The following DDX60 variants were observed in gnomAD, a reference collection of about 807,000 sequenced individuals.
The protein encoded by DDX60 is DExD/H-box helicase 60.
DDX60 carries 165 observed loss-of-function variants against 212.8 expected under a neutral mutation model. The observed-to-expected ratio is 0.78, with a 90% CI of 0.68 to 0.88. The LOEUF (loss-of-function observed/expected upper bound fraction) is 0.88, where lower values mean the gene tolerates loss of function less well. Among genes scored for constraint, DDX60 ranks in the 40% least tolerant of loss-of-function variants. The pLI, the probability that DDX60 is intolerant of heterozygous loss-of-function variation, is 0.00. For synonymous variants in DDX60, 703 were observed against 685.3 expected (o/e 1.03, Z -0.40); for missense variants, 1,905 against 2,003.9 (o/e 0.95, Z 0.94).
In DDX60 at chr4:168,260,882, T is replaced by A. The variant is rs758895143; in HGVS notation, c.3381A>T (p.Leu1127Phe). ...LVEKLRKMEK[L>F]PALFFLFKLG... is the part of the protein sequence containing the mutation. The stretch of plus-strand genomic sequence containing the variant: ...TAACTTACAAAAAAAATAGTGCAGG[T>A]AACTTCTCCATTTTCCTTAGTTTTT... Residue 1127 changes from leucine to phenylalanine, a missense_variant, in exon 25 of 38, where the codon TTA becomes TTT. Leu to Phe is a conservative substitution (Grantham distance 22, BLOSUM62 0). Transcript: ENST00000393743. 2 of 1,605,474 alleles carry A rather than the reference T, an allele frequency of 1.2e-6. No homozygotes were observed. Among genetic ancestry groups the A allele is most frequent in the East Asian group, 4.5e-5 (2 of 44,798 alleles).
chr4:168,288,166 G>A lies in DDX60; in HGVS notation c.1183+8C>T, dbSNP rs1451987308. On this transcript the variant is annotated splice_region_variant and intron_variant, in intron 9 of 37. Transcript: ENST00000393743. ...TGGAAGTATGATTATAATATACTGA[G>A]ATGGTACCTTTTACATTTTCATTTT... 18 of 1,453,506 alleles carry A rather than the reference G, an allele frequency of 1.2e-5. No homozygotes were observed. Among genetic ancestry groups the A allele is most frequent in the Admixed American group, 2.3e-5 (1 of 44,258 alleles). 90.0% of individuals were successfully genotyped at this position (1,453,506 alleles called of 1,614,324 possible).
upstream of DDX60, among the ~76,000 whole-genome samples, chr4:168,323,487 T>C (rs1257914025): frequency 6.6e-6 from 1 of 152,194 alleles, no homozygotes; most frequent in African/African-American, 2.4e-5. Flanking sequence ...GCCTCTTAAA[T>C]TAAACTGACT....
Position 168,236,269 on chromosome 4 carries a change from C to G in DDX60, c.4516G>C (p.Glu1506Gln). 1 of 1,610,146 alleles carries G rather than the reference C, an allele frequency of 6.2e-7. No homozygotes were observed. The highest frequency in any genetic ancestry group is 8.5e-7 in the Non-Finnish European group (1 of 1,178,102). The change falls in exon 33 of 38, where the codon GAG (glutamate) becomes CAG (glutamine). Residue 1506 changes from glutamate (E) to glutamine (Q), a missense_variant. By Grantham distance (29) the Glu-to-Gln change is conservative. Coordinates refer to ENST00000393743, the MANE Select transcript of DDX60 (RefSeq NM_017631.6). ...CAGTTTACCTTTGATTGATAAAACT[C>G]GAAGTGTGCATCTTGGAACTTTGGT... is the stretch of plus-strand genomic sequence containing the variant. ...FPPKFQDAHFEFYQSKVFLDD... is the reference protein window; with the variant it reads ...FPPKFQDAHFQFYQSKVFLDD...
At chr4:168,297,366 GAAAGAAAGAAAGAA>G (rs1560870521) in intron 6 of DDX60, among the ~76,000 whole-genome samples, 2 of 54,112 alleles carry the variant, frequency 3.7e-5, no homozygotes, top group Non-Finnish European at 6.9e-5. Context: ...AAGAAAGAAA[GAAAGAAAGAAAGAA>G]AGAGAAAGAA....
In DDX60 at chr4:168,262,012, G is replaced by A; in HGVS notation, c.3261C>T (p.Gly1087=). ...GTATGAAAATTACCTGCTCTACGTTGCCATTTTTAATCCAACTTGTTAATT... is the reference window on the plus strand; with the variant it reads ...GTATGAAAATTACCTGCTCTACGTTACCATTTTTAATCCAACTTGTTAATT... ...KAELTSWIKN[G]NVEQARMVLQ... is the part of the protein sequence containing the mutation. Residue 1087 remains glycine, a synonymous_variant, in exon 24 of 38, where the codon GGC becomes GGT. Coordinates refer to ENST00000393743, the MANE Select transcript of DDX60 (RefSeq NM_017631.6). The A allele has an allele frequency of 1.3e-6, 2 of 1,592,730 alleles. No individual in the cohort carries two copies. The highest frequency in any genetic ancestry group is 8.5e-7 in the Non-Finnish European group (1 of 1,172,924).
chr4:168,250,949 C>T lies in DDX60; in HGVS notation c.3858+5G>A. On this transcript the variant is annotated splice_donor_5th_base_variant and intron_variant, in intron 28 of 37. Coordinates refer to ENST00000393743, the MANE Select transcript of DDX60 (RefSeq NM_017631.6). ...CAATTTTTAGAATGAAGAAAATTCA[C>T]CTACCCTAAGATATCCTTTTCTAAA... The T allele has an allele frequency of 1.3e-6, 2 of 1,569,582 alleles. No individual in the cohort carries two copies. Among genetic ancestry groups the T allele is most frequent in the Non-Finnish European group, 8.6e-7 (1 of 1,158,432 alleles).
intron 33 of DDX60, among the ~76,000 whole-genome samples, chr4:168,232,333 T>C (rs1733482404): frequency 6.6e-6 from 1 of 151,862 alleles, no homozygotes; most frequent in Non-Finnish European, 1.5e-5. Context: ...AATACCAACA[T>C]CATTCTTCAC....
chr4:168,273,240 T>C (rs1339035999), intron 18 of DDX60, 39 bp downstream of exon 18: 27 of 1,591,322 alleles, frequency 1.7e-5, no homozygotes, highest in South Asian at 2.3e-5. Context: ...AGTACAGTTA[T>C]ATAATTTGAT....
chr4:168,279,622 T>C (rs1378786223), intron 14 of DDX60, among the ~76,000 whole-genome samples: 2 of 152,254 alleles, frequency 1.3e-5, no homozygotes, highest in Non-Finnish European at 1.5e-5. Flanking sequence ...TATTCGAGAC[T>C]TCCTGGGGAT....
Position 168,220,668 on chromosome 4 carries a change from T to A in DDX60, c.5026A>T (p.Ile1676Phe). The change falls in exon 37 of 38, where the codon ATT (isoleucine) becomes TTT (phenylalanine). Residue 1676 changes from isoleucine (I) to phenylalanine (F), a missense_variant. Physicochemically the swap from Ile to Phe is conservative, Grantham distance 21. Transcript: ENST00000393743. ...YYLLKDFALT[I>F]KSISVSLREL... ...TATATAACACACCTGATAGATTTAA[T>A]GGTGAGTGCAAAATCCTTCAACAAA... The A allele has an allele frequency of 6.8e-7, 1 of 1,470,164 alleles. No homozygotes were observed. Among genetic ancestry groups the A allele is most frequent in the Non-Finnish European group, 9.1e-7 (1 of 1,099,764 alleles). The allele number at this position is 1,470,164 out of a possible 1,614,324, so 91.1% of individuals were successfully genotyped here. A position where few individuals can be genotyped will look rare whatever the true frequency, so the allele number is the denominator to read the frequency against.
Position 168,260,936 on chromosome 4 carries a change from G to A in DDX60, c.3327C>T (p.Asn1109=). 1 of 1,613,182 alleles carries A rather than the reference G, an allele frequency of 6.2e-7. No individual in the cohort carries two copies. Among genetic ancestry groups the A allele is most frequent in the Non-Finnish European group, 8.5e-7 (1 of 1,179,324 alleles). Residue 1109 remains asparagine, a synonymous_variant, in exon 25 of 38, where the codon AAC becomes AAT. Coordinates refer to ENST00000393743, the MANE Select transcript of DDX60 (RefSeq NM_017631.6). ...LSPEADLSPE[N]MITMFPLLVE... is the part of the protein sequence containing the mutation. ...CTAGAAGTGGAAACATGGTGATCATGTTTTCTGGACTCAAATCTGCTTCAG... is the reference window on the plus strand; with the variant it reads ...CTAGAAGTGGAAACATGGTGATCATATTTTCTGGACTCAAATCTGCTTCAG...
chr4:168,220,778 T>C, intron 36 of DDX60, 61 bp from the exon 37 acceptor site: 1 of 906,332 alleles, frequency 1.1e-6, no homozygotes, highest in Non-Finnish European at 1.6e-6. Flanking sequence ...TCCTATTTTA[T>C]ATTTAAATGC....
Position 168,217,045 on chromosome 4 carries a change from A to G in DDX60, c.5040-13T>C, listed in dbSNP as rs956486163. ...ACGCAAGGAAACACTGGAAATGGGG[A>G]AAAAAATATAGGATCCACTTTAGTG... On this transcript the variant is annotated splice_polypyrimidine_tract_variant and intron_variant, in intron 37 of 37. Coordinates refer to ENST00000393743, the MANE Select transcript of DDX60 (RefSeq NM_017631.6). The G allele has an allele frequency of 1.3e-6, 2 of 1,557,984 alleles. No individual in the cohort carries two copies. The highest frequency in any genetic ancestry group is 1.8e-6 in the Non-Finnish European group (2 of 1,137,234).
At chr4:168,240,961 G>C (rs563840627) in intron 30 of DDX60, among the ~76,000 whole-genome samples, 8 of 152,312 alleles carry the variant, frequency 5.3e-5, no homozygotes, top group African/African-American at 1.9e-4. Flanking sequence ...ATTCCCGCAT[G>C]TCATAGAAGG....
Position 168,250,654 on chromosome 4 carries a change from T to C in DDX60, c.3858+300A>G, listed in dbSNP as rs772366882. On this transcript the variant is annotated intron_variant, in intron 28 of 37. Transcript: ENST00000393743. ...GATTCTTCTGCCTCAACTTCCTGAATAGCTGGGATTACAGGCACCTGCCAC... is the reference window on the plus strand; with the variant it reads ...GATTCTTCTGCCTCAACTTCCTGAACAGCTGGGATTACAGGCACCTGCCAC... Among the ~76,000 whole-genome samples, 40 of 151,326 alleles carry C rather than the reference T, an allele frequency of 2.6e-4. 1 individual carries two copies. The highest frequency in any genetic ancestry group is 8.6e-4 in the Admixed American group (13 of 15,166).
At chr4:168,309,596 G>GA (rs1737042079) in intron 3 of DDX60, among the ~76,000 whole-genome samples, 1 of 151,798 alleles carries the variant, frequency 6.6e-6, no homozygotes, top group Admixed American at 6.6e-5. Flanking sequence ...TATGATTCAA[G>GA]AAAAAGCAAA....
intron 37 of DDX60, among the ~76,000 whole-genome samples, chr4:168,219,099 T>C (rs1732953629): frequency 6.7e-6 from 1 of 150,352 alleles, no homozygotes; most frequent in Non-Finnish European, 1.5e-5. Flanking sequence ...CTGGGCAGCA[T>C]GGTGAAATCC....
intron 19 of DDX60, among the ~76,000 whole-genome samples, chr4:168,271,188 C>G (rs1028015760): frequency 1.3e-5 from 2 of 152,058 alleles, no homozygotes; most frequent in Non-Finnish European, 1.5e-5. Flanking sequence ...AATAAATATT[C>G]CAAATAATGC....
chr4:168,287,072 C>A lies in DDX60; in HGVS notation c.1315G>T (p.Glu439Ter). The A allele has an allele frequency of 6.2e-7, 1 of 1,605,514 alleles. No individual in the cohort carries two copies. The highest frequency in any genetic ancestry group is 1.1e-5 in the South Asian group (1 of 88,720). Reference sequence around the variant, plus strand: ...CCTTTGATTGGTGATGGTTTCTTTTCAAGAAAACAAACTTTTGTTGTTCTC... The same window carrying A: ...CCTTTGATTGGTGATGGTTTCTTTTAAAGAAAACAAACTTTTGTTGTTCTC... ...PLRTTKVCFL[E>*]KKPSPIKDSS... The change falls in exon 10 of 38, where the codon GAA becomes TAA. Residue 439 changes from glutamate to a stop codon, truncating the protein, a stop_gained. Coordinates refer to ENST00000393743, the MANE Select transcript of DDX60 (RefSeq NM_017631.6). LOFTEE classifies it high-confidence loss of function.
Sources: allele counts gnomAD v4.1 joint callset (sites outside exome capture counted in the v4.1 genomes callset), GRCh38; gene constraint gnomAD v4.1.1; transcripts MANE v1.5; gene names NCBI Gene and HGNC (gene_info 2026-07-23, HGNC 2026-07-21).